CPA6: variants seen among roughly 807,000 people sequenced by gnomAD.
CPA6 encodes carboxypeptidase B.
Under a neutral mutation model 63.3 loss-of-function variants are expected in CPA6, and 58 were observed. The observed-to-expected ratio is 0.92, with a 90% confidence interval of 0.74 to 1.14. The LOEUF (loss-of-function observed/expected upper bound fraction) is 1.14, where lower values mean the gene tolerates loss of function less well. Among genes scored for constraint, CPA6 ranks in the 50% most tolerant of loss-of-function variants. The pLI, the probability that CPA6 is intolerant of heterozygous loss-of-function variation, is 0.00. For synonymous variants in CPA6, 185 were observed against 179.0 expected (o/e 1.03, Z -0.27); for missense variants, 565 against 526.6 (o/e 1.07, Z -0.71).
intron 2 of CPA6, among the ~76,000 whole-genome samples, chr8:67,522,719 A>G (rs1199267250): frequency 6.6e-6 from 1 of 152,204 alleles, no homozygotes. Context: ...GGCATCTCCC[A>G]GTTTTTGGGT....
intron 2 of CPA6, among the ~76,000 whole-genome samples, chr8:67,580,787 A>G (rs1411280976): frequency 6.6e-6 from 1 of 152,220 alleles, no homozygotes; most frequent in Non-Finnish European, 1.5e-5. Context: ...GCTGAGTCAC[A>G]GCACCCCCAA....
rs1816005511 is a variant in CPA6, at chr8:67,657,184, C to T, written c.117-32933G>A. 2.6e-5 allele frequency among the ~76,000 whole-genome samples: 4 copies of T among 152,084 alleles called. No individual in the cohort carries two copies. The South Asian group carries it at 8.3e-4, about 32-fold the overall frequency. On this transcript the variant is annotated intron_variant, in intron 1 of 10. Transcript: ENST00000297770. ...GGAAATATTTGATTATAAATTCTTT[C>T]CTCTTCTTCCATTTTCATCCAGAAA...
At chr8:67,614,484 G>A (rs1198647925) in intron 2 of CPA6, among the ~76,000 whole-genome samples, 2 of 152,176 alleles carry the variant, frequency 1.3e-5, no homozygotes, top group Non-Finnish European at 2.9e-5. Flanking sequence ...TGGTCTGGAT[G>A]CCACAAGTAG....
intron 2 of CPA6, among the ~76,000 whole-genome samples, chr8:67,594,412 T>G (rs376484657): frequency 1.4e-4 from 21 of 152,316 alleles, no homozygotes; most frequent in East Asian, 5.8e-4. Context: ...CTGTATTTCC[T>G]GAATCTGAAT....
chr8:67,745,173 C>G (rs1397586013), intron 1 of CPA6, among the ~76,000 whole-genome samples: 2 of 152,286 alleles, frequency 1.3e-5, no homozygotes, highest in East Asian at 3.9e-4. Context: ...ATGTAAGACA[C>G]TGAGTTTACT....
intron 2 of CPA6, among the ~76,000 whole-genome samples, chr8:67,558,550 T>C (rs1355612693): frequency 6.6e-6 from 1 of 152,210 alleles, no homozygotes; most frequent in Admixed American, 6.5e-5. Flanking sequence ...GTAGAGTACC[T>C]AAATATATAA....
intron 1 of CPA6, among the ~76,000 whole-genome samples, chr8:67,710,237 G>A (rs191492997): frequency 5.3e-5 from 8 of 152,276 alleles, no homozygotes; most frequent in Admixed American, 3.3e-4. Context: ...CAAAGTTCTT[G>A]CTATGTAGAT....
At chr8:67,535,067 T>C (rs1347982007) in intron 2 of CPA6, among the ~76,000 whole-genome samples, 3 of 152,208 alleles carry the variant, frequency 2.0e-5, no homozygotes, top group Non-Finnish European at 4.4e-5. Context: ...CTGCATAGTA[T>C]TCCATGGTGT....
At chr8:67,439,708 T>C (rs1810247071) in intron 8 of CPA6, among the ~76,000 whole-genome samples, 1 of 152,190 alleles carries the variant, frequency 6.6e-6, no homozygotes, top group Non-Finnish European at 1.5e-5. Context: ...TCATGAAGAA[T>C]GCTAATAGGT....
intron 8 of CPA6, among the ~76,000 whole-genome samples, chr8:67,477,018 C>T (rs771264502): frequency 1.7e-4 from 26 of 151,996 alleles, no homozygotes; most frequent in African/African-American, 2.7e-4. Context: ...AGGCCAGTTG[C>T]GGTGGCTCAC....
chr8:67,555,493 A>G (rs948721118), intron 2 of CPA6, among the ~76,000 whole-genome samples: 29 of 152,298 alleles, frequency 1.9e-4, no homozygotes, highest in African/African-American at 6.3e-4. Context: ...ACCTTGCCCT[A>G]TGCATCTCTC....
intron 2 of CPA6, among the ~76,000 whole-genome samples, chr8:67,599,905 A>C (rs1346620903): frequency 6.6e-6 from 1 of 152,130 alleles, no homozygotes; most frequent in African/African-American, 2.4e-5. Context: ...GTCGAGTATA[A>C]AATATTTCTT....
intron 6 of CPA6, among the ~76,000 whole-genome samples, chr8:67,502,001 C>T (rs377671318): frequency 6.6e-6 from 1 of 152,170 alleles, no homozygotes; most frequent in African/African-American, 2.4e-5. Flanking sequence ...TTCATTTTGT[C>T]TACGTTGTCA....
intron 1 of CPA6, among the ~76,000 whole-genome samples, chr8:67,668,539 T>C (rs936163386): frequency 6.6e-6 from 1 of 152,220 alleles, no homozygotes; most frequent in Non-Finnish European, 1.5e-5. Context: ...CTCCAGTTAC[T>C]TATTTCAAAA....
rs376759564 is a variant in CPA6 at position 67,698,384 on chromosome 8, A to G, written c.116+47630T>C. On this transcript the variant is annotated intron_variant, in intron 1 of 10. Transcript: ENST00000297770. Reference sequence around the variant, plus strand: ...TCTGGTGAAGGTGATTCTAGACCTTACTAAACTTATATCCTACTTCTCAAG... The same window carrying G: ...TCTGGTGAAGGTGATTCTAGACCTTGCTAAACTTATATCCTACTTCTCAAG... Among the ~76,000 whole-genome samples the G allele has an allele frequency of 3.8e-4, 58 of 152,324 alleles. 1 individual carries two copies. In the East Asian group the frequency reaches 6.9e-3, roughly 18 times the overall value.
intron 8 of CPA6, among the ~76,000 whole-genome samples, chr8:67,468,523 T>A (rs965867381): frequency 2.0e-5 from 3 of 151,466 alleles, no homozygotes; most frequent in Non-Finnish European, 4.4e-5. Context: ...GAGGTGAAAG[T>A]TGCAGTGATC....
intron 2 of CPA6, among the ~76,000 whole-genome samples, chr8:67,587,406 G>A (rs1034964191): frequency 6.6e-6 from 1 of 152,162 alleles, no homozygotes; most frequent in African/African-American, 2.4e-5. Flanking sequence ...GACTGGAGTA[G>A]TAGAATGCCC....
At chr8:67,628,741 A>G (rs145565847) in intron 1 of CPA6, among the ~76,000 whole-genome samples, 15 of 152,366 alleles carry the variant, frequency 9.8e-5, no homozygotes, top group African/African-American at 3.4e-4. Flanking sequence ...CTTTACATGA[A>G]ACAGTGTCTA....
intron 8 of CPA6, among the ~76,000 whole-genome samples, chr8:67,434,662 C>T (rs1171936218): frequency 2.0e-5 from 3 of 152,226 alleles, no homozygotes; most frequent in Admixed American, 2.0e-4. Context: ...GCCCTAGTGG[C>T]TCCCTCGCTT....
Sources: allele counts gnomAD v4.1 joint callset (sites outside exome capture counted in the v4.1 genomes callset), GRCh38; gene constraint gnomAD v4.1.1; transcripts MANE v1.5; gene names NCBI Gene and HGNC (gene_info 2026-07-23, HGNC 2026-07-21).